BCCIP: variants seen among roughly 807,000 people sequenced by gnomAD.
BCCIP encodes the protein BRCA2 and CDKN1A-interacting protein.
Under a neutral mutation model 32.8 loss-of-function variants are expected in BCCIP, and 23 were observed. The observed-to-expected ratio is 0.70, with a 90% CI of 0.51 to 0.99. The LOEUF is 0.99. Among genes scored for constraint, BCCIP ranks in the 50% least tolerant of loss-of-function variants. The pLI, the probability that BCCIP is intolerant of heterozygous loss-of-function variation, is 0.00. For synonymous variants in BCCIP, 144 were observed against 137.6 expected, an observed-to-expected ratio of 1.05 and a Z score of -0.33; for missense variants, 378 against 379.8, an observed-to-expected ratio of 1.00 and a Z score of 0.04.
At chr10:125,837,395 C>T (rs566801908), downstream of BCCIP, among the ~76,000 whole-genome samples, 1 of 152,200 alleles carries the variant, frequency 6.6e-6, no homozygotes, top group South Asian at 2.1e-4. Context: ...TTGCCATTGC[C>T]CCTCCTTTCC....
chr10:125,846,005 GA>G (rs1484959270), downstream of BCCIP, among the ~76,000 whole-genome samples: 4 of 152,238 alleles, frequency 2.6e-5, no homozygotes, highest in South Asian at 8.3e-4. Flanking sequence ...CCAGGCCTCA[GA>G]AAGGACTAAG....
chr10:125,839,267 C>G (rs907197323), downstream of BCCIP: 1 of 1,450,656 alleles, frequency 6.9e-7, no homozygotes, highest in Non-Finnish European at 9.4e-7. Flanking sequence ...CAGTTGCCAT[C>G]TTTAAGCCCT....
downstream of BCCIP, among the ~76,000 whole-genome samples, chr10:125,847,731 G>C (rs112185214): frequency 7.7e-3 from 985 of 128,230 alleles, 7 homozygotes; most frequent in African/African-American, 0.027. Flanking sequence ...TGGGAGCCCT[G>C]AGCTTGTTTT....
At chr10:125,836,836 G>T (rs773108161), downstream of BCCIP, 1 of 1,614,110 alleles carries the variant, frequency 6.2e-7, no homozygotes, top group Non-Finnish European at 8.5e-7. Flanking sequence ...AAATAGTATT[G>T]TGGTACCAGC....
intron 2 of BCCIP, 37 bp downstream of exon 2, chr10:125,826,702 T>C: frequency 6.2e-7 from 1 of 1,607,610 alleles, no homozygotes; most frequent in Non-Finnish European, 8.5e-7. Flanking sequence ...AATTTCCTCT[T>C]CTAAGAAAAA....
chr10:125,832,605 G>A (rs970279552), intron 5 of BCCIP, among the ~76,000 whole-genome samples: 3 of 151,800 alleles, frequency 2.0e-5, no homozygotes, highest in Non-Finnish European at 4.4e-5. Flanking sequence ...GGTTTTATAG[G>A]AGGGTGATTT....
At chr10:125,838,105 G>T (rs1189477631), downstream of BCCIP, 1 of 1,135,570 alleles carries the variant, frequency 8.8e-7, no homozygotes, top group Non-Finnish European at 1.2e-6. Context: ...GATTGCATCA[G>T]TATAAACTTT....
intron 3 of BCCIP, among the ~76,000 whole-genome samples, chr10:125,828,269 A>G (rs766917012): frequency 1.6e-4 from 24 of 152,134 alleles, no homozygotes; most frequent in Admixed American, 4.6e-4. Context: ...AGGAAGGTCA[A>G]ATTAGGAGGG....
At chr10:125,841,181 C>T, downstream of BCCIP, 1 of 1,427,590 alleles carries the variant, frequency 7.0e-7, no homozygotes, top group Non-Finnish European at 9.7e-7. Flanking sequence ...AATTCTCCCT[C>T]TCCTTTTGTG....
At chr10:125,828,901 G>C (rs1165664991) in intron 3 of BCCIP, among the ~76,000 whole-genome samples, 1 of 152,142 alleles carries the variant, frequency 6.6e-6, no homozygotes, top group Non-Finnish European at 1.5e-5. Context: ...GCTGTCTGTC[G>C]GGAGCTTAGC....
At chr10:125,849,714 C>T (rs1376211969) in intron 7 of BCCIP, among the ~76,000 whole-genome samples, 5 of 151,962 alleles carry the variant, frequency 3.3e-5, no homozygotes, top group Admixed American at 2.0e-4. Context: ...TCCTCCCATT[C>T]TCCTCTTAGT....
downstream of BCCIP, chr10:125,838,435 AT>A (rs779158356): frequency 2.7e-6 from 4 of 1,460,494 alleles, no homozygotes; most frequent in Non-Finnish European, 3.6e-6. Context: ...TAATATGGAG[AT>A]CATTATACAA....
chr10:125,841,746 T>C (rs898940891), exon 7 of BCCIP: 1 of 1,610,156 alleles, frequency 6.2e-7, no homozygotes, highest in African/African-American at 1.3e-5. Context: ...AGGATACCTG[T>C]TACCATGGCT....
downstream of BCCIP, among the ~76,000 whole-genome samples, chr10:125,844,590 A>G (rs546335731): frequency 1.9e-4 from 29 of 152,246 alleles, no homozygotes; most frequent in Non-Finnish European, 4.0e-4. Flanking sequence ...AAATAACTAA[A>G]TAGGATTTGC....
chr10:125,852,614 G>A lies in BCCIP; in HGVS notation c.851-511G>A, dbSNP rs776137704. The A allele has an allele frequency of 7.4e-6, 12 of 1,612,286 alleles. No homozygotes were observed. The Admixed American group carries it at 1.8e-4, about 25-fold the overall frequency. ...CTGGCTGATGGGCTGCATGACGAGC[G>A]AGTTTGCTCTTATTCTCGGGTTGTA... On this transcript the variant is annotated intron_variant, in intron 7 of 7. Coordinates refer to the BCCIP transcript ENST00000368759.
intron 3 of BCCIP, among the ~76,000 whole-genome samples, chr10:125,828,524 A>G (rs1158675915): frequency 6.6e-6 from 1 of 152,212 alleles, no homozygotes; most frequent in Non-Finnish European, 1.5e-5. Flanking sequence ...AGAAGAAACA[A>G]TAGTGCAGTG....
downstream of BCCIP, among the ~76,000 whole-genome samples, chr10:125,847,148 C>G (rs1219601782): frequency 6.6e-6 from 1 of 152,104 alleles, no homozygotes; most frequent in Non-Finnish European, 1.5e-5. Flanking sequence ...TAGAAAACAC[C>G]CATTGTATGG....
At chr10:125,849,995 C>A (rs1944069477) in intron 7 of BCCIP, among the ~76,000 whole-genome samples, 2 of 152,082 alleles carry the variant, frequency 1.3e-5, no homozygotes. Context: ...GAACCAGGGT[C>A]TTGCTCTGTC....
At chr10:125,825,944 AG>A (rs1429257143) in intron 1 of BCCIP, 1 of 152,606 alleles carries the variant, frequency 6.6e-6, no homozygotes, top group Non-Finnish European at 1.5e-5. Flanking sequence ...CTTCTGCCTT[AG>A]GGCCTTAGTT....
Sources: allele counts gnomAD v4.1 joint callset (sites outside exome capture counted in the v4.1 genomes callset), GRCh38; gene constraint gnomAD v4.1.1; transcripts MANE v1.5; gene names NCBI Gene and HGNC (gene_info 2026-07-23, HGNC 2026-07-21).